The following KIF20A variants were observed in gnomAD, a reference collection of about 807,000 sequenced individuals.
KIF20A encodes kinesin family member 20A, also known as kinesin-like protein KIF20A.
Under a neutral mutation model 113.0 loss-of-function variants are expected in KIF20A, and 66 were observed. The ratio of observed to expected loss-of-function variants is 0.58; its 90% CI spans 0.48 to 0.72. The LOEUF (loss-of-function observed/expected upper bound fraction) is 0.72, where lower values mean the gene tolerates loss of function less well. Among genes scored for constraint, KIF20A ranks in the 30% least tolerant of loss-of-function variants. The pLI is 0.00. For missense variants in KIF20A, 927 were observed against 1,077.6 expected, an observed-to-expected ratio of 0.86 and a Z score of 1.96; for synonymous variants, 376 against 402.3, an observed-to-expected ratio of 0.93 and a Z score of 0.78.
chr5:138,184,415 A>G lies in KIF20A; in HGVS notation c.1518+11A>G. ...GCCATTGCTAGCCAGGTGAGAAGCTAGAGGTGTGATGGGTGTGCGCACTTG... is the reference window on the plus strand; with the variant it reads ...GCCATTGCTAGCCAGGTGAGAAGCTGGAGGTGTGATGGGTGTGCGCACTTG... On this transcript the variant is annotated intron_variant, in intron 12 of 18. Coordinates refer to ENST00000394894, the MANE Select transcript of KIF20A (RefSeq NM_005733.3). 2 of 1,614,148 alleles carry G rather than the reference A, an allele frequency of 1.2e-6. No homozygotes were observed. Among genetic ancestry groups the G allele is most frequent in the Non-Finnish European group, 1.7e-6 (2 of 1,179,988 alleles).
In KIF20A at chr5:138,183,408, T is replaced by C; in HGVS notation, c.1027+45T>C. 1 of 1,612,570 alleles carries C rather than the reference T, an allele frequency of 6.2e-7. No individual in the cohort carries two copies. Among genetic ancestry groups the C allele is most frequent in the Non-Finnish European group, 8.5e-7 (1 of 1,178,650 alleles). ...GCTGGCATGAACCCTGGAGGGCAACTGGGGAGAGACTGGCAAAAGAGTTGG... is the reference window on the plus strand; with the variant it reads ...GCTGGCATGAACCCTGGAGGGCAACCGGGGAGAGACTGGCAAAAGAGTTGG... On this transcript the variant is annotated intron_variant, in intron 8 of 18. Coordinates refer to ENST00000394894, the MANE Select transcript of KIF20A (RefSeq NM_005733.3). The surrounding 1 kb of genome is among the most constrained non-coding windows in gnomAD (Gnocchi z 5.2).
At chr5:138,182,020 T>C (rs563157650) in intron 4 of KIF20A, 14 of 566,528 alleles carry the variant, frequency 2.5e-5, no homozygotes, top group Non-Finnish European at 4.4e-5. Context: ...AGTTAGGACC[T>C]GAGTCTAGAT....
chr5:138,187,658 C>T lies in KIF20A; in HGVS notation c.*245C>T, dbSNP rs555896751. The stretch of plus-strand genomic sequence containing the variant: ...CAGTTATATTAAAGATATTATTGTT[C>T]ACATTTTTTATTGAATTCCAAATGT... On this transcript the variant is annotated 3_prime_UTR_variant, in exon 19 of 19. Coordinates refer to ENST00000394894, the MANE Select transcript of KIF20A (RefSeq NM_005733.3). 10 of 340,654 alleles carry T rather than the reference C, an allele frequency of 2.9e-5. No homozygotes were observed. The East Asian group carries it at 5.2e-4, about 18-fold the overall frequency. 21.1% of individuals were successfully genotyped at this position (340,654 alleles called of 1,614,324 possible). A position where few individuals can be genotyped will look rare whatever the true frequency, so the allele number is the denominator to read the frequency against.
At chr5:138,181,268 T>G (rs1365749410) in intron 2 of KIF20A, among the ~76,000 whole-genome samples, 154 bp from the exon 3 acceptor site, 2 of 152,240 alleles carry the variant, frequency 1.3e-5, no homozygotes, top group Non-Finnish European at 2.9e-5. Flanking sequence ...CCATGTGGGT[T>G]GGAATGATTG....
Position 138,182,645 on chromosome 5 carries a change from C to T in KIF20A, c.574C>T (p.Gln192Ter). ...CCTGGCGCTGATCTTCAATAGCCTC[C>T]AAGGCCAACTTCATCCAACACCTGA... Reference protein sequence around the residue: ...RSLALIFNSLQGQLHPTPDLK... With the variant: ...RSLALIFNSL The change falls in exon 6 of 19, where the codon CAA (glutamine) becomes TAA (stop). Residue 192 changes from glutamine to a stop codon, truncating the protein, a stop_gained. Transcript: ENST00000394894. LOFTEE classifies it high-confidence loss of function. 6.2e-7 allele frequency: 1 copy of T among 1,614,166 alleles called. No homozygotes were observed. The highest frequency in any genetic ancestry group is 8.5e-7 in the Non-Finnish European group (1 of 1,180,040).
Position 138,186,417 on chromosome 5 carries a change from A to T in KIF20A, c.2341A>T (p.Ile781Phe). 6.2e-7 allele frequency: 1 copy of T among 1,613,120 alleles called. No individual in the cohort carries two copies. The highest frequency in any genetic ancestry group is 8.5e-7 in the Non-Finnish European group (1 of 1,179,812). Residue 781 changes from isoleucine to phenylalanine, a missense_variant, in exon 18 of 19, where the codon ATC (isoleucine) becomes TTC (phenylalanine). Coordinates refer to ENST00000394894, the MANE Select transcript of KIF20A (RefSeq NM_005733.3). ...LRQALTTCDD[I>F]LIKQDQTLAE... ...TCAAGCCTTGACCACTTGTGATGAC[A>T]TCTTAATCAAACAGGTTAGGGCAAA...
At chr5:138,180,235 A>G (rs1754629908) in intron 2 of KIF20A, among the ~76,000 whole-genome samples, 1 of 152,208 alleles carries the variant, frequency 6.6e-6, no homozygotes, top group South Asian at 2.1e-4. Flanking sequence ...TAATAGTATC[A>G]CCATAGCTTC....
At position 138,182,320 on chromosome 5, in the gene KIF20A, T is replaced by C; in HGVS notation, c.376-3T>C. Reference sequence around the variant, plus strand: ...GCCTCTAAAAAACTGGGTCTCTCTCTAGATCTTTGGGCCAGAAGTGGGACA... The same window carrying C: ...GCCTCTAAAAAACTGGGTCTCTCTCCAGATCTTTGGGCCAGAAGTGGGACA... On this transcript the variant is annotated splice_region_variant and splice_polypyrimidine_tract_variant and intron_variant, in intron 4 of 18. Coordinates refer to ENST00000394894, the MANE Select transcript of KIF20A (RefSeq NM_005733.3). 6.2e-7 allele frequency: 1 copy of C among 1,613,054 alleles called. No individual in the cohort carries two copies. The highest frequency in any genetic ancestry group is 8.5e-7 in the Non-Finnish European group (1 of 1,179,514).
At chr5:138,180,275 G>T (rs190652721) in intron 2 of KIF20A, among the ~76,000 whole-genome samples, 2 of 152,098 alleles carry the variant, frequency 1.3e-5, no homozygotes, top group Non-Finnish European at 1.5e-5. Context: ...GCTAGGCCAG[G>T]GTTTCTCAGT....
At chr5:138,184,981 T>G (rs1364870285) in intron 14 of KIF20A, 35 bp downstream of exon 14, 6 of 1,608,496 alleles carry the variant, frequency 3.7e-6, no homozygotes, top group Non-Finnish European at 5.1e-6. Context: ...CTCTGTCACC[T>G]GAGACAGAGG....
Position 138,187,433 on chromosome 5 carries a change from A to C in KIF20A, c.*20A>C, listed in dbSNP as rs923693689. 6.2e-7 allele frequency: 1 copy of C among 1,602,062 alleles called. No homozygotes were observed. Among genetic ancestry groups the C allele is most frequent in the Non-Finnish European group, 8.5e-7 (1 of 1,172,312 alleles). On this transcript the variant is annotated 3_prime_UTR_variant, in exon 19 of 19. Coordinates refer to ENST00000394894, the MANE Select transcript of KIF20A (RefSeq NM_005733.3). Reference sequence around the variant, plus strand: ...TACTAAGGCTGTGGGGAAAGAGAAGAGCAGTCATGGCCCTGAGGTGGGTCA... The same window carrying C: ...TACTAAGGCTGTGGGGAAAGAGAAGCGCAGTCATGGCCCTGAGGTGGGTCA...
Position 138,187,390 on chromosome 5 carries a change from G to A in KIF20A, c.2650G>A (p.Gly884Arg), listed in dbSNP as rs1754764568. 3 of 1,613,428 alleles carry A rather than the reference G, an allele frequency of 1.9e-6. No homozygotes were observed. The highest frequency in any genetic ancestry group is 8.5e-7 in the Non-Finnish European group (1 of 1,179,520). The stretch of plus-strand genomic sequence containing the variant: ...ACGGCGTTCCCCTTTACTCAAATCT[G>A]GGCCTTTTGGCAAAAAGTACTAAGG... ...RSRRSPLLKS[G>R]PFGKKY is the part of the protein sequence containing the mutation. Residue 884 changes from glycine to arginine, a missense_variant, in exon 19 of 19, where the codon GGG becomes AGG. Coordinates refer to ENST00000394894, the MANE Select transcript of KIF20A (RefSeq NM_005733.3).
intron 4 of KIF20A, 102 bp from the exon 5 acceptor site, chr5:138,182,221 C>T: frequency 7.4e-7 from 1 of 1,360,228 alleles, no homozygotes; most frequent in East Asian, 2.3e-5. Flanking sequence ...CTTGAGTGGT[C>T]TCCAGAGCCA....
intron 5 of KIF20A, 57 bp from the exon 6 acceptor site, chr5:138,182,529 C>CT (rs1754675653): frequency 1.2e-6 from 2 of 1,612,262 alleles, no homozygotes; most frequent in Non-Finnish European, 1.7e-6. Context: ...TTTTGAGACT[C>CT]TGAGTTAGGG....
chr5:138,181,660 G>A lies in KIF20A; in HGVS notation c.307G>A (p.Asp103Asn). 1 of 1,614,180 alleles carries A rather than the reference G, an allele frequency of 6.2e-7. No homozygotes were observed. The highest frequency in any genetic ancestry group is 8.5e-7 in the Non-Finnish European group (1 of 1,180,032). The change falls in exon 4 of 19, where the codon GAC becomes AAC. Residue 103 changes from aspartate to asparagine, a missense_variant. Asp to Asn is a conservative substitution (Grantham distance 23, BLOSUM62 1). Coordinates refer to ENST00000394894, the MANE Select transcript of KIF20A (RefSeq NM_005733.3). The stretch of plus-strand genomic sequence containing the variant: ...GACCCTTGTTCTACAAGCACCCAAG[G>A]ACTCTTTTGCCCTGAAGAGCAATGA... ...VETLVLQAPK[D>N]SFALKSNERG...
In KIF20A at chr5:138,185,512, G is replaced by A. The variant is rs1381494391; in HGVS notation, c.1927G>A (p.Glu643Lys). ...LTSFYQEEIQERDEKIEELEA... is the reference protein window; with the variant it reads ...LTSFYQEEIQKRDEKIEELEA... ...ATTGTGCTCTCTGCTTCCCTCTTAG[G>A]AGCGGGATGAAAAGATTGAAGAGCT... The change falls in exon 16 of 19, where the codon GAG (glutamate) becomes AAG (lysine). Residue 643 changes from glutamate to lysine, a missense_variant and splice_region_variant. Transcript: ENST00000394894. 1.9e-6 allele frequency: 3 copies of A among 1,612,606 alleles called. No homozygotes were observed. Among genetic ancestry groups the A allele is most frequent in the Non-Finnish European group, 2.5e-6 (3 of 1,179,718 alleles).
chr5:138,184,488 G>A (rs1405138053), intron 12 of KIF20A, 24 bp from the exon 13 acceptor site: 1 of 1,610,942 alleles, frequency 6.2e-7, no homozygotes, highest in South Asian at 1.1e-5. Flanking sequence ...ATGGAGTCAA[G>A]TAAGATATTT....
intron 18 of KIF20A, 42 bp downstream of exon 18, chr5:138,186,473 C>T (rs1754747997): frequency 1.3e-6 from 2 of 1,585,472 alleles, no homozygotes; most frequent in Middle Eastern, 1.8e-4. Context: ...TACCAGCCCA[C>T]TCCAGTGTAT....
chr5:138,182,633 T>A lies in KIF20A; in HGVS notation c.562T>A (p.Phe188Ile). The A allele has an allele frequency of 6.2e-7, 1 of 1,614,156 alleles. No homozygotes were observed. The highest frequency in any genetic ancestry group is 8.5e-7 in the Non-Finnish European group (1 of 1,180,030). Residue 188 changes from phenylalanine (F) to isoleucine (I), a missense_variant, in exon 6 of 19, where the codon TTC (phenylalanine) becomes ATC (isoleucine). By Grantham distance (21) the Phe-to-Ile change is conservative (BLOSUM62 0). Transcript: ENST00000394894. ...GILPRSLALI[F>I]NSLQGQLHPT... ...TCTCCCCCGGTCCCTGGCGCTGATCTTCAATAGCCTCCAAGGCCAACTTCA... is the reference window on the plus strand; with the variant it reads ...TCTCCCCCGGTCCCTGGCGCTGATCATCAATAGCCTCCAAGGCCAACTTCA...
Sources: allele counts gnomAD v4.1 joint callset (sites outside exome capture counted in the v4.1 genomes callset), GRCh38; gene constraint gnomAD v4.1.1; non-coding constraint Gnocchi (gnomAD v3.1); transcripts MANE v1.5; gene names NCBI Gene and HGNC (gene_info 2026-07-23, HGNC 2026-07-21).